PRPF38A: variants seen among roughly 807,000 people sequenced by gnomAD.
PRPF38A encodes the protein pre-mRNA processing factor 38A, also known as pre-mRNA-splicing factor 38A.
A neutral mutation model predicts 46.8 loss-of-function variants in PRPF38A; 11 were observed. The ratio of observed to expected loss-of-function variants is 0.24; its 90% CI spans 0.15 to 0.39. PRPF38A has a LOEUF of 0.39. Among genes scored for constraint, PRPF38A ranks in the 10% least tolerant of loss-of-function variants. PRPF38A has a pLI of 1.00. For synonymous variants in PRPF38A, 124 were observed against 136.2 expected, an observed-to-expected ratio of 0.91 and a Z score of 0.62; for missense variants, 261 against 407.5, an observed-to-expected ratio of 0.64 and a Z score of 3.10.
Position 52,404,608 on chromosome 1 carries a change from C to T in PRPF38A, c.-142C>T. 2.4e-6 allele frequency: 2 copies of T among 825,038 alleles called. No individual in the cohort carries two copies. The highest frequency in any genetic ancestry group is 2.9e-5 in the Admixed American group (1 of 34,066). The allele number at this position is 825,038 out of a possible 1,614,324, so 51.1% of individuals were successfully genotyped here. On this transcript the variant is annotated 5_prime_UTR_variant, in exon 1 of 10. It adds an upstream start codon to the 5' untranslated region. Coordinates refer to ENST00000257181, the MANE Select transcript of PRPF38A (RefSeq NM_032864.4). ...CGGGGAGCGGAAGCCCTTTACACTA[C>T]GGTGTTTCCGGCTTCAAGATGGTCG...
rs770057810 is a variant in PRPF38A at position 52,414,830 on chromosome 1, G to A, written c.818G>A (p.Arg273Gln). The change falls in exon 8 of 10, where the codon CGG becomes CAG. Residue 273 changes from arginine to glutamine, a missense_variant. By Grantham distance (43) the Arg-to-Gln change is conservative (BLOSUM62 1). Transcript: ENST00000257181. Reference protein sequence around the residue: ...PRRHRSRSRDRRHRSRSKSPG... With the variant: ...PRRHRSRSRDQRHRSRSKSPG... ...CGTCACCGCAGCAGGTCCCGAGATCGGCGGCACAGATCCCGTTCCAAGTCC... is the reference window on the plus strand; with the variant it reads ...CGTCACCGCAGCAGGTCCCGAGATCAGCGGCACAGATCCCGTTCCAAGTCC... The A allele has an allele frequency of 8.7e-6, 14 of 1,614,014 alleles. No individual in the cohort carries two copies. Among genetic ancestry groups the A allele is most frequent in the African/African-American group, 1.3e-5 (1 of 74,910 alleles).
intron 4 of PRPF38A, among the ~76,000 whole-genome samples, chr1:52,411,672 A>C (rs891684549): frequency 2.6e-5 from 4 of 152,280 alleles, no homozygotes; most frequent in Middle Eastern, 3.4e-3. Context: ...CAGGAGTGGG[A>C]GACTGAGCCA....
chr1:52,412,584 A>T lies in PRPF38A; in HGVS notation c.569A>T (p.Asp190Val). ...AGTGCTCTGGAAGAGGACATGGATGATGTGGAGTCCAGTGAAGAGGAAGAA... is the reference window on the plus strand; with the variant it reads ...AGTGCTCTGGAAGAGGACATGGATGTTGTGGAGTCCAGTGAAGAGGAAGAA... ...RVSALEEDMD[D>V]VESSEEEEEE... The change falls in exon 5 of 10, where the codon GAT becomes GTT. Residue 190 changes from aspartate to valine, a missense_variant. Coordinates refer to ENST00000257181, the MANE Select transcript of PRPF38A (RefSeq NM_032864.4). 3 of 1,613,820 alleles carry T rather than the reference A, an allele frequency of 1.9e-6. No individual in the cohort carries two copies. The highest frequency in any genetic ancestry group is 2.5e-6 in the Non-Finnish European group (3 of 1,179,702).
Position 52,404,834 on chromosome 1 carries a change from A to C in PRPF38A, c.85A>C (p.Ile29Leu). 1.2e-6 allele frequency: 2 copies of C among 1,614,258 alleles called. No individual in the cohort carries two copies. Among genetic ancestry groups the C allele is most frequent in the Non-Finnish European group, 1.7e-6 (2 of 1,180,040 alleles). ...YLVEKIIRTRIYESKYWKEEC... is the reference protein window; with the variant it reads ...YLVEKIIRTRLYESKYWKEEC... Reference sequence around the variant, plus strand: ...GGTGGAGAAGATCATTCGAACGCGAATCTATGAGTCCAAGTACTGGAAAGA... The same window carrying C: ...GGTGGAGAAGATCATTCGAACGCGACTCTATGAGTCCAAGTACTGGAAAGA... Residue 29 changes from isoleucine (I) to leucine (L), a missense_variant, in exon 1 of 10, where the codon ATC (isoleucine) becomes CTC (leucine). Physicochemically the swap from Ile to Leu is conservative, Grantham distance 5. Around this residue, in one of 2 missense-constraint regions of PRPF38A, gnomAD observed 81 missense variants for 186.5 expected, o/e 0.43. Transcript: ENST00000257181.
chr1:52,405,975 G>A (rs1276837487), intron 2 of PRPF38A, 136 bp downstream of exon 2: 3 of 714,640 alleles, frequency 4.2e-6, no homozygotes. Flanking sequence ...TTGAGCCCTT[G>A]AGTTTGTATT....
intron 9 of PRPF38A, 145 bp downstream of exon 9, chr1:52,415,531 G>A (rs1394787936): frequency 3.1e-6 from 2 of 642,336 alleles, no homozygotes; most frequent in African/African-American, 1.8e-5. Context: ...GAGAATTACT[G>A]GGGTTAGATA....
chr1:52,412,147 G>GGC (rs1486432715), intron 4 of PRPF38A, among the ~76,000 whole-genome samples: 1 of 152,044 alleles, frequency 6.6e-6, no homozygotes, highest in Non-Finnish European at 1.5e-5. Flanking sequence ...ACTACTCTAG[G>GGC]GCTAGGCCTC....
intron 4 of PRPF38A, 26 bp from the exon 5 acceptor site, chr1:52,412,488 C>T (rs1478295837): frequency 1.3e-6 from 2 of 1,549,534 alleles, no homozygotes; most frequent in Non-Finnish European, 1.8e-6. Flanking sequence ...GGCAACAACC[C>T]CTAACTCTCA....
chr1:52,416,624 T>A lies in PRPF38A; in HGVS notation c.897-24T>A, dbSNP rs377589971. 1.8e-5 allele frequency: 28 copies of A among 1,596,702 alleles called. No homozygotes were observed. The African/African-American group carries it at 3.4e-4, about 19-fold the overall frequency. ...GTGCCTGGCTGCTTCTTAATATAATTATTTATATGTGTTGCCATTTCAGGT... is the reference window on the plus strand; with the variant it reads ...GTGCCTGGCTGCTTCTTAATATAATAATTTATATGTGTTGCCATTTCAGGT... On this transcript the variant is annotated intron_variant, in intron 9 of 9. Coordinates refer to ENST00000257181, the MANE Select transcript of PRPF38A (RefSeq NM_032864.4).
intron 1 of PRPF38A, 57 bp from the exon 2 acceptor site, chr1:52,405,623 A>T: frequency 6.4e-7 from 1 of 1,558,670 alleles, no homozygotes; most frequent in Non-Finnish European, 8.8e-7. Context: ...AACTAACTCC[A>T]CTCCAACTAG....
chr1:52,409,065 C>A (rs555593603), intron 3 of PRPF38A: 41 of 191,254 alleles, frequency 2.1e-4, no homozygotes, highest in African/African-American at 9.2e-4. Flanking sequence ...CTTCACAGTT[C>A]TTTCTACTGG....
In PRPF38A at chr1:52,404,630, G is replaced by A. The variant is rs2147951906; in HGVS notation, c.-120G>A. 8.9e-7 allele frequency: 1 copy of A among 1,128,010 alleles called. No homozygotes were observed. Among genetic ancestry groups the A allele is most frequent in the Non-Finnish European group, 1.3e-6 (1 of 799,180 alleles). The allele number at this position is 1,128,010 out of a possible 1,614,324, so 69.9% of individuals were successfully genotyped here. A position where few individuals can be genotyped will look rare whatever the true frequency, so the allele number is the denominator to read the frequency against. On this transcript the variant is annotated 5_prime_UTR_variant, in exon 1 of 10. Coordinates refer to ENST00000257181, the MANE Select transcript of PRPF38A (RefSeq NM_032864.4). ...CTACGGTGTTTCCGGCTTCAAGATG[G>A]TCGCCTAAGCTGTTTAGTGAAACTT...
At chr1:52,414,125 C>T in intron 6 of PRPF38A, 134 bp downstream of exon 6, 1 of 631,194 alleles carries the variant, frequency 1.6e-6, no homozygotes, top group South Asian at 2.0e-5. Flanking sequence ...TGCTGCAAAA[C>T]AACCACCTAT....
intron 1 of PRPF38A, among the ~76,000 whole-genome samples, chr1:52,405,100 G>A (rs1193490168): frequency 6.6e-6 from 1 of 152,234 alleles, no homozygotes; most frequent in Admixed American, 6.5e-5. Flanking sequence ...TGTCTCAGTT[G>A]GGTGTTGTGA....
chr1:52,410,281 A>C (rs1292558570), intron 3 of PRPF38A, among the ~76,000 whole-genome samples: 1 of 148,666 alleles, frequency 6.7e-6, no homozygotes, highest in Admixed American at 6.7e-5. Flanking sequence ...CAGCCTGGGC[A>C]AAAGTGAGAC....
chr1:52,414,864 A>G lies in PRPF38A; in HGVS notation c.847+5A>G. On this transcript the variant is annotated splice_donor_5th_base_variant and intron_variant, in intron 8 of 9. Transcript: ENST00000257181. The stretch of plus-strand genomic sequence containing the variant: ...GATCCCGTTCCAAGTCCCCAGGTAA[A>G]GCTTGTGGGCCTTTTGCCACAGGTT... The G allele has an allele frequency of 6.2e-7, 1 of 1,613,850 alleles. No individual in the cohort carries two copies. Among genetic ancestry groups the G allele is most frequent in the East Asian group, 2.2e-5 (1 of 44,884 alleles).
chr1:52,415,604 AGTGGC>A (rs1451773474), intron 9 of PRPF38A, among the ~76,000 whole-genome samples: 2 of 152,082 alleles, frequency 1.3e-5, no homozygotes, highest in Non-Finnish European at 2.9e-5. Context: ...GCTGGAGTGC[AGTGGC>A]GTGAACCTGG....
intron 5 of PRPF38A, among the ~76,000 whole-genome samples, chr1:52,413,016 C>G (rs1648189549): frequency 6.6e-6 from 1 of 152,054 alleles, no homozygotes; most frequent in South Asian, 2.1e-4. Context: ...AATTTTTTTT[C>G]TAACTCTAGC....
intron 4 of PRPF38A, 23 bp from the exon 5 acceptor site, chr1:52,412,491 A>G (rs1648172572): frequency 1.3e-6 from 2 of 1,561,854 alleles, no homozygotes; most frequent in Admixed American, 1.7e-5. Flanking sequence ...AACAACCCCT[A>G]ACTCTCATCA....
Sources: allele counts gnomAD v4.1 joint callset (sites outside exome capture counted in the v4.1 genomes callset), GRCh38; gene constraint gnomAD v4.1.1; regional missense constraint gnomAD v4.1.1; transcripts MANE v1.5; gene names NCBI Gene and HGNC (gene_info 2026-07-23, HGNC 2026-07-21).